SEPTIN6: variants seen among roughly 807,000 people sequenced by gnomAD.
The protein encoded by SEPTIN6 is septin-6.
SEPTIN6 carries 8 observed loss-of-function variants against 33.6 expected under a neutral mutation model. The ratio of observed to expected loss-of-function variants is 0.24; its 90% CI spans 0.14 to 0.43. The LOEUF (loss-of-function observed/expected upper bound fraction) is 0.43, where lower values mean the gene tolerates loss of function less well. Among genes scored for constraint, SEPTIN6 ranks in the 20% least tolerant of loss-of-function variants. SEPTIN6 has a pLI of 1.00. For synonymous variants in SEPTIN6, 131 were observed against 140.0 expected (o/e 0.94, Z 0.45); for missense variants, 250 against 340.8 (o/e 0.73, Z 2.10).
chrX:119,620,404 T>C (rs750443983), intron 10 of SEPTIN6, among the ~76,000 whole-genome samples: 55 of 103,751 alleles, frequency 5.3e-4, no homozygotes, highest in Admixed American at 1.0e-3. Context: ...CTGCAAGCTC[T>C]GCCTCCCGGG....
intron 2 of SEPTIN6, among the ~76,000 whole-genome samples, chrX:119,668,493 C>T (rs1430874445): frequency 2.7e-5 from 3 of 112,045 alleles, no homozygotes; most frequent in Non-Finnish European, 5.6e-5. Context: ...ACAGACACTG[C>T]TCTAAGTTTT....
At chrX:119,652,084 C>T (rs2054360503) in intron 4 of SEPTIN6, among the ~76,000 whole-genome samples, 2 of 111,630 alleles carry the variant, frequency 1.8e-5, no homozygotes, top group South Asian at 7.5e-4. Flanking sequence ...CCACCATGCC[C>T]AGTTAATTTT....
chrX:119,624,157 GT>G (rs66945031), intron 10 of SEPTIN6: 22,445 of 203,442 alleles, frequency 0.11, 2,044 homozygotes, highest in African/African-American at 0.42. Flanking sequence ...TTTTTTTTTT[GT>G]TTTTTTTTTT....
intron 2 of SEPTIN6, among the ~76,000 whole-genome samples, chrX:119,669,614 T>C (rs2054708113): frequency 1.8e-5 from 2 of 112,043 alleles, no homozygotes; most frequent in African/African-American, 6.5e-5. Flanking sequence ...AGTGATGTCA[T>C]GTTGGTAGCT....
At position 119,657,233 on chromosome X, in the gene SEPTIN6, C is replaced by A. The variant is rs74386704; in HGVS notation, c.342-4193G>T. Among the ~76,000 whole-genome samples, 672 of 93,661 alleles carry A rather than the reference C, an allele frequency of 7.2e-3. 7 individuals are homozygous for A. Among genetic ancestry groups the A allele is most frequent in the Middle Eastern group, 0.011 (2 of 187 alleles). 81.3% of individuals were successfully genotyped at this position (93,661 alleles called of 115,157 possible). A position where few individuals can be genotyped will look rare whatever the true frequency, so the allele number is the denominator to read the frequency against. On this transcript the variant is annotated intron_variant, in intron 3 of 10. Transcript: ENST00000394610. The stretch of plus-strand genomic sequence containing the variant: ...GATTCCGTCTCAAAAAAAAAAAAAA[C>A]AAAACAAAAAAACTGTGCCTTATTT...
rs186923996 is a variant in SEPTIN6 at position 119,636,930 on chromosome X, C to T, written c.956+97G>A. 6.8e-4 allele frequency: 695 copies of T among 1,022,835 alleles called. 4 individuals are homozygous for T. In the African/African-American group the frequency reaches 0.012, roughly 17 times the overall value. The allele number at this position is 1,022,835 out of a possible 1,213,427, so 84.3% of individuals were successfully genotyped here. A position where few individuals can be genotyped will look rare whatever the true frequency, so the allele number is the denominator to read the frequency against. On this transcript the variant is annotated intron_variant, in intron 7 of 10. Transcript: ENST00000394610. Reference sequence around the variant, plus strand: ...CCTTGAGGTCTTAGCACCCGTGTCTCGCCTCCCCTGTGAATTCTCCAGGGG... The same window carrying T: ...CCTTGAGGTCTTAGCACCCGTGTCTTGCCTCCCCTGTGAATTCTCCAGGGG...
At chrX:119,628,281 AT>A (rs35908035) in intron 9 of SEPTIN6, among the ~76,000 whole-genome samples, 13,668 of 77,715 alleles carry the variant, frequency 0.18, 1,850 homozygotes, top group African/African-American at 0.44. Context: ...TAATTTCTGT[AT>A]TTTTTTTTTT....
chrX:119,683,243 A>C (rs1324174365), intron 1 of SEPTIN6, among the ~76,000 whole-genome samples: 1 of 111,912 alleles, frequency 8.9e-6, no homozygotes, highest in East Asian at 2.8e-4. Context: ...ACAGAGGGAG[A>C]CTCTGTCTCA....
chrX:119,666,550 G>A (rs1220582849), intron 2 of SEPTIN6, among the ~76,000 whole-genome samples: 1 of 111,414 alleles, frequency 9.0e-6, no homozygotes, highest in African/African-American at 3.3e-5. Context: ...AGAGAGGAGG[G>A]AGACAGGGAG....
At chrX:119,673,824 A>G (rs1454894176) in intron 2 of SEPTIN6, among the ~76,000 whole-genome samples, 16 of 93,717 alleles carry the variant, frequency 1.7e-4, no homozygotes, top group African/African-American at 6.3e-4. Context: ...TCTGGGTGAC[A>G]GCACAAGACT....
chrX:119,620,101 C>CAAA, intron 10 of SEPTIN6, 50 bp from the exon 11 acceptor site: 2 of 768,479 alleles, frequency 2.6e-6, no homozygotes, highest in Non-Finnish European at 3.7e-6. Flanking sequence ...ATTAATGTAC[C>CAAA]AAAAAAAAAA....
At chrX:119,680,858 G>A (rs1165343194) in intron 1 of SEPTIN6, among the ~76,000 whole-genome samples, 1 of 108,305 alleles carries the variant, frequency 9.2e-6, no homozygotes, top group Admixed American at 1.0e-4. Context: ...GCAGATGCCT[G>A]TAGTCCCAGC....
chrX:119,633,034 A>G (rs982956970), intron 8 of SEPTIN6, among the ~76,000 whole-genome samples: 1 of 112,686 alleles, frequency 8.9e-6, no homozygotes, highest in African/African-American at 3.2e-5. Flanking sequence ...ATGGCTGCAT[A>G]GTATTCCATG....
Position 119,618,466 on chromosome X carries a change from T to G in SEPTIN6, c.*1627A>C. 2.2e-6 allele frequency: 2 copies of G among 903,620 alleles called. No individual in the cohort carries two copies. Among genetic ancestry groups the G allele is most frequent in the South Asian group, 5.7e-5 (1 of 17,466 alleles). The allele number at this position is 903,620 out of a possible 1,213,427, so 74.5% of individuals were successfully genotyped here. A position where few individuals can be genotyped will look rare whatever the true frequency, so the allele number is the denominator to read the frequency against. The stretch of plus-strand genomic sequence containing the variant: ...GAAATCCCCTTCCCCTTCTCAATAC[T>G]TCAAAAAGGCCTGGAAATTTGGCAT... On this transcript the variant is annotated 3_prime_UTR_variant, in exon 11 of 11. Transcript: ENST00000394610.
Position 119,656,022 on chromosome X carries a change from C to G in SEPTIN6, c.342-2982G>C, listed in dbSNP as rs1603341446. Among the ~76,000 whole-genome samples the G allele has an allele frequency of 8.0e-5, 9 of 111,834 alleles. 1 individual carries two copies. Among genetic ancestry groups the G allele is most frequent in the South Asian group, 7.4e-4 (2 of 2,699 alleles). On this transcript the variant is annotated intron_variant, in intron 3 of 10. Coordinates refer to ENST00000394610, the MANE Select transcript of SEPTIN6 (RefSeq NM_145799.4). ...CATTCAAATTCTGGTAATTATTAAG[C>G]CTGCATATAGATATTATTACTTCTG... is the stretch of plus-strand genomic sequence containing the variant.
chrX:119,662,558 C>T (rs2054567273), intron 3 of SEPTIN6, among the ~76,000 whole-genome samples: 1 of 111,879 alleles, frequency 8.9e-6, no homozygotes, highest in East Asian at 2.8e-4. Context: ...ACCTATTTTA[C>T]CTCTTGCCTT....
At chrX:119,650,230 C>A in intron 4 of SEPTIN6, 132 bp from the exon 5 acceptor site, 35 of 547,325 alleles carry the variant, frequency 6.4e-5, no homozygotes, top group East Asian at 6.9e-5. Flanking sequence ...CTTCTGTAGC[C>A]AAATGACAAT....
intron 1 of SEPTIN6, chrX:119,686,559 C>A: frequency 1.1e-6 from 1 of 942,397 alleles, no homozygotes; most frequent in Admixed American, 3.1e-5. Flanking sequence ...TTATTTCTCA[C>A]CCTCCTGAGC....
chrX:119,623,174 GAA>G (rs1389254362), intron 10 of SEPTIN6, among the ~76,000 whole-genome samples: 1 of 111,665 alleles, frequency 9.0e-6, no homozygotes, highest in East Asian at 2.8e-4. Flanking sequence ...GGTGAGTGGG[GAA>G]AAGTCTTCTC....
Sources: allele counts gnomAD v4.1 joint callset (sites outside exome capture counted in the v4.1 genomes callset), GRCh38; gene constraint gnomAD v4.1.1; transcripts MANE v1.5; gene names NCBI Gene and HGNC (gene_info 2026-07-23, HGNC 2026-07-21).